COL4A2: variants seen among roughly 807,000 people sequenced by gnomAD.
The protein encoded by COL4A2 is collagen alpha-2(IV) chain.
Under a neutral mutation model 200.2 loss-of-function variants are expected in COL4A2, and 99 were observed. That is an observed-to-expected ratio of 0.49 (90% CI 0.42 to 0.58). The LOEUF is 0.58. Ranked by LOEUF, COL4A2 falls within the 20% of genes least tolerant of loss-of-function variation. The probability of loss-of-function intolerance (pLI) is 0.00; values close to 1 mark genes in which losing one functional copy is unlikely to be tolerated. For missense variants in COL4A2, 1,950 were observed against 2,314.1 expected, an observed-to-expected ratio of 0.84 and a Z score of 3.23; for synonymous variants, 897 against 900.6, an observed-to-expected ratio of 1.00 and a Z score of 0.07.
intron 3 of COL4A2, among the ~76,000 whole-genome samples, chr13:110,328,125 G>A (rs575890151): frequency 6.0e-4 from 92 of 152,260 alleles, no homozygotes; most frequent in Admixed American, 2.0e-3. Flanking sequence ...AGTTGATCAG[G>A]AATATAATCT....
intron 29 of COL4A2, among the ~76,000 whole-genome samples, chr13:110,474,572 A>G (rs7326241): frequency 0.04 from 6,153 of 151,936 alleles, 146 homozygotes; most frequent in East Asian, 0.12. Flanking sequence ...ACACACACAC[A>G]TTCACGGTCA....
intron 40 of COL4A2, among the ~76,000 whole-genome samples, chr13:110,500,429 A>T (rs1458177579): frequency 4.6e-5 from 7 of 152,186 alleles, no homozygotes; most frequent in Non-Finnish European, 8.8e-5. Context: ...TCAAGTCCAC[A>T]CTGATTTCTA....
At chr13:110,460,238 G>T (rs1489087056) in intron 22 of COL4A2, among the ~76,000 whole-genome samples, 1 of 152,208 alleles carries the variant, frequency 6.6e-6, no homozygotes, top group Non-Finnish European at 1.5e-5. Flanking sequence ...TGACGGCCAT[G>T]ACTCCCAACT....
At chr13:110,493,676 G>A (rs902768901) in intron 39 of COL4A2, among the ~76,000 whole-genome samples, 26 of 152,126 alleles carry the variant, frequency 1.7e-4, no homozygotes, top group African/African-American at 5.8e-4. Context: ...GGAAGCCAGC[G>A]GTTTCCACCT....
intron 36 of COL4A2, among the ~76,000 whole-genome samples, chr13:110,490,301 A>G (rs111336793): frequency 0.01 from 1,589 of 152,336 alleles, 14 homozygotes; most frequent in Non-Finnish European, 0.016. Context: ...TTCCACTCCT[A>G]AATTCCTGCC....
chr13:110,399,791 G>C (rs527824983), intron 4 of COL4A2, among the ~76,000 whole-genome samples: 4 of 152,216 alleles, frequency 2.6e-5, no homozygotes. Flanking sequence ...GCAGGAATAT[G>C]ATAGGCCACC....
chr13:110,478,191 A>T, intron 30 of COL4A2, 27 bp downstream of exon 30: 1 of 1,531,474 alleles, frequency 6.5e-7, no homozygotes, highest in Non-Finnish European at 8.8e-7. Flanking sequence ...CCCATAAACG[A>T]GTGGGGTCCT....
Position 110,343,926 on chromosome 13 carries a change from G to T in COL4A2, c.100-13546G>T, listed in dbSNP as rs146350549. On this transcript the variant is annotated intron_variant, in intron 3 of 47. Transcript: ENST00000360467. ...ACCCACTTTGTTTATTACCAACAGG[G>T]CTAAATATTTACCTTAGACCTATAT... Among the ~76,000 whole-genome samples the T allele has an allele frequency of 3.3e-5, 5 of 152,180 alleles. No individual in the cohort carries two copies. The East Asian group carries it at 9.6e-4, about 29-fold the overall frequency.
At chr13:110,430,746 G>A (rs1159013827) in intron 10 of COL4A2, 139 bp downstream of exon 10, 1 of 1,157,912 alleles carries the variant, frequency 8.6e-7, no homozygotes, top group Non-Finnish European at 1.3e-6. Flanking sequence ...AGAACATCAA[G>A]ACAAAACGGA....
In COL4A2 at chr13:110,356,293, G is replaced by A. The variant is rs184729346; in HGVS notation, c.100-1179G>A. ...TAGGTCCTGAGGAAAGCCTCTTCCC[G>A]GCATTCCTCCTCCTTACTGAGCATA... On this transcript the variant is annotated intron_variant, in intron 3 of 47. Coordinates refer to ENST00000360467, the MANE Select transcript of COL4A2 (RefSeq NM_001846.4). Among the ~76,000 whole-genome samples, 5 of 152,264 alleles carry A rather than the reference G, an allele frequency of 3.3e-5. No individual in the cohort carries two copies. In the South Asian group the frequency reaches 6.2e-4, roughly 19 times the overall value.
intron 3 of COL4A2, among the ~76,000 whole-genome samples, chr13:110,351,137 C>A (rs919381733): frequency 6.6e-6 from 1 of 152,182 alleles, no homozygotes; most frequent in Non-Finnish European, 1.5e-5. Context: ...CAACCTCCAC[C>A]TCCCGGGCTC....
intron 3 of COL4A2, among the ~76,000 whole-genome samples, 159 bp from the exon 4 acceptor site, chr13:110,357,313 G>C (rs1246734065): frequency 2.6e-5 from 4 of 152,114 alleles, no homozygotes; most frequent in Admixed American, 2.6e-4. Context: ...ACCAAAAACT[G>C]CTCTAAAAAT....
At position 110,504,277 on chromosome 13, in the gene COL4A2, G is replaced by A. The variant is rs1431537400; in HGVS notation, c.4402+13G>A. ...ATTGGCCAAGAAGGTGAGTGACAGT[G>A]GGGAAGGACCTTCCCAGGTCCTAGT... On this transcript the variant is annotated intron_variant, in intron 45 of 47. Coordinates refer to ENST00000360467, the MANE Select transcript of COL4A2 (RefSeq NM_001846.4). The A allele has an allele frequency of 1.9e-6, 3 of 1,599,734 alleles. No homozygotes were observed. The highest frequency in any genetic ancestry group is 2.6e-6 in the Non-Finnish European group (3 of 1,167,980).
chr13:110,498,965 G>A lies in COL4A2; in HGVS notation c.3761-2703G>A, dbSNP rs1451194228. On this transcript the variant is annotated intron_variant, in intron 40 of 47. Transcript: ENST00000360467. ...TGCATGAACGTCACAGTGGGCCCAT[G>A]AGCTGATGACTTCAGAGCAGGTCCT... 2.6e-5 allele frequency among the ~76,000 whole-genome samples: 4 copies of A among 152,200 alleles called. No homozygotes were observed. In the East Asian group the frequency reaches 7.7e-4, roughly 29 times the overall value.
intron 16 of COL4A2, among the ~76,000 whole-genome samples, chr13:110,440,089 G>A (rs996369144): frequency 2.0e-5 from 3 of 152,126 alleles, no homozygotes; most frequent in African/African-American, 7.2e-5. Context: ...CACCAGCCAT[G>A]GTTTCTATAT....
At chr13:110,386,607 A>G (rs1178742969) in intron 4 of COL4A2, among the ~76,000 whole-genome samples, 1 of 152,222 alleles carries the variant, frequency 6.6e-6, no homozygotes, top group Admixed American at 6.5e-5. Context: ...TGCTATTATA[A>G]TTGTGTAATA....
intron 4 of COL4A2, among the ~76,000 whole-genome samples, chr13:110,374,589 A>G (rs1036840761): frequency 6.6e-6 from 1 of 152,208 alleles, no homozygotes; most frequent in Non-Finnish European, 1.5e-5. Context: ...TTTTGGAAGC[A>G]GCTCTGTTCC....
intron 3 of COL4A2, among the ~76,000 whole-genome samples, chr13:110,342,075 G>T (rs1196818337): frequency 6.6e-6 from 1 of 152,136 alleles, no homozygotes; most frequent in Non-Finnish European, 1.5e-5. Context: ...AGTGACCCTG[G>T]CTCATTGGTT....
intron 4 of COL4A2, among the ~76,000 whole-genome samples, chr13:110,406,938 T>C (rs79551215): frequency 3.3e-4 from 51 of 152,302 alleles, no homozygotes; most frequent in African/African-American, 1.1e-3. Context: ...GTTCCCCTTA[T>C]GCCTTCAGGG....
Sources: allele counts gnomAD v4.1 joint callset (sites outside exome capture counted in the v4.1 genomes callset), GRCh38; gene constraint gnomAD v4.1.1; transcripts MANE v1.5; gene names NCBI Gene and HGNC (gene_info 2026-07-23, HGNC 2026-07-21).